CREBRF: variants seen among roughly 807,000 people sequenced by gnomAD.
CREBRF encodes the protein CREB3 regulatory factor, also known as UPF0474 protein C5orf41.
In CREBRF, 5 loss-of-function variants were observed where a neutral mutation model predicts 66.1. The ratio of observed to expected loss-of-function variants is 0.08; its 90% CI spans 0.04 to 0.16. The LOEUF (loss-of-function observed/expected upper bound fraction) is 0.16, where lower values mean the gene tolerates loss of function less well. CREBRF is among the 10% of genes least tolerant of loss of function. CREBRF has a pLI of 1.00. For synonymous variants in CREBRF, 229 were observed against 264.4 expected, an observed-to-expected ratio of 0.87 and a Z score of 1.30; for missense variants, 531 against 744.9, an observed-to-expected ratio of 0.71 and a Z score of 3.34.
At chr5:173,064,754 A>C (rs1757384711) in intron 1 of CREBRF, among the ~76,000 whole-genome samples, 1 of 151,662 alleles carries the variant, frequency 6.6e-6, no homozygotes, top group Non-Finnish European at 1.5e-5. Context: ...AGTAGAGTCG[A>C]GGTTTCTCCA....
rs772403141 is a variant in CREBRF at position 173,091,374 on chromosome 5, G to C, written c.1195G>C (p.Asp399His). 8 of 1,613,918 alleles carry C rather than the reference G, an allele frequency of 5.0e-6. No homozygotes were observed. The highest frequency in any genetic ancestry group is 4.2e-6 in the Non-Finnish European group (5 of 1,179,914). Reference sequence around the variant, plus strand: ...GGATTATGAAGATGACAAGGATGATGATATTAGTGATACTTTCTCTGAACC... The same window carrying C: ...GGATTATGAAGATGACAAGGATGATCATATTAGTGATACTTTCTCTGAACC... ...EEDYEDDKDD[D>H]ISDTFSEPGY... Residue 399 changes from aspartate (D) to histidine (H), a missense_variant, in exon 4 of 9, where the codon GAT becomes CAT. Asp to His is a moderately conservative substitution (Grantham distance 81, BLOSUM62 -1). Coordinates refer to ENST00000296953, the MANE Select transcript of CREBRF (RefSeq NM_153607.3).
At chr5:173,070,449 A>G (rs1460270829) in intron 1 of CREBRF, among the ~76,000 whole-genome samples, 1 of 152,152 alleles carries the variant, frequency 6.6e-6, no homozygotes, top group Admixed American at 6.5e-5. Flanking sequence ...CCTGCATAAA[A>G]TATTTTGTTT....
intron 1 of CREBRF, among the ~76,000 whole-genome samples, chr5:173,077,956 C>G (rs1757817175): frequency 1.3e-5 from 2 of 152,008 alleles, no homozygotes. Context: ...TTTGTTGATC[C>G]ATTCATCTGT....
chr5:173,082,927 A>C, intron 2 of CREBRF, among the ~76,000 whole-genome samples: 1 of 140,710 alleles, frequency 7.1e-6, no homozygotes, highest in African/African-American at 2.9e-5. Flanking sequence ...AAAAAAAAAA[A>C]AAAAAAAAAA....
intron 3 of CREBRF, 46 bp downstream of exon 3, chr5:173,086,672 A>G: frequency 6.5e-7 from 1 of 1,544,612 alleles, no homozygotes; most frequent in Non-Finnish European, 8.7e-7. Flanking sequence ...TTTGGGGTAA[A>G]AGTTTGTGGG....
chr5:173,118,009 G>A (rs1053966000), intron 7 of CREBRF, among the ~76,000 whole-genome samples: 2 of 152,060 alleles, frequency 1.3e-5, no homozygotes, highest in African/African-American at 4.8e-5. Flanking sequence ...AAGTAGCTGG[G>A]ACTACAGGAG....
intron 4 of CREBRF, among the ~76,000 whole-genome samples, chr5:173,092,732 T>C (rs1446743183): frequency 2.0e-5 from 3 of 152,220 alleles, no homozygotes; most frequent in African/African-American, 7.2e-5. Context: ...GAAACATTAT[T>C]CTTACTAAAA....
chr5:173,108,758 T>C lies in CREBRF; in HGVS notation c.1357T>C (p.Ser453Pro), dbSNP rs780571169. ...ACAGCAAGAGAGGATGCTGAGACCATCTGAGTGGAACCGAGATACTTTGCC... is the reference window on the plus strand; with the variant it reads ...ACAGCAAGAGAGGATGCTGAGACCACCTGAGTGGAACCGAGATACTTTGCC... ...PSQQERMLRP[S>P]EWNRDTLPSN... Residue 453 changes from serine (S) to proline (P), a missense_variant, in exon 5 of 9, where the codon TCT becomes CCT. Physicochemically the swap from Ser to Pro is moderately conservative, Grantham distance 74 (BLOSUM62 -1). Transcript: ENST00000296953. The C allele has an allele frequency of 2.5e-6, 4 of 1,614,082 alleles. No individual in the cohort carries two copies. In the East Asian group the frequency reaches 8.9e-5, roughly 36 times the overall value.
At chr5:173,104,763 G>C (rs998967386) in intron 4 of CREBRF, among the ~76,000 whole-genome samples, 3 of 151,800 alleles carry the variant, frequency 2.0e-5, no homozygotes, top group African/African-American at 7.3e-5. Context: ...GTGTATTTTT[G>C]TGATGGTGAA....
At chr5:173,071,270 G>A (rs1036104103) in intron 1 of CREBRF, among the ~76,000 whole-genome samples, 4 of 152,212 alleles carry the variant, frequency 2.6e-5, no homozygotes, top group African/African-American at 4.8e-5. Context: ...GGAGTGCAGC[G>A]CCATGATCTC....
chr5:173,110,441 T>C (rs1758845346), intron 5 of CREBRF, 81 bp from the exon 6 acceptor site: 2 of 936,976 alleles, frequency 2.1e-6, no homozygotes. Context: ...TGGTGGGAAG[T>C]GGTTAAAAAT....
chr5:173,058,504 G>A (rs1395180070), intron 1 of CREBRF, among the ~76,000 whole-genome samples: 3 of 150,508 alleles, frequency 2.0e-5, no homozygotes, highest in Admixed American at 6.6e-5. Context: ...TTTAATTTGA[G>A]ACGGAGTCTC....
chr5:173,097,253 T>G (rs1758501026), intron 4 of CREBRF, among the ~76,000 whole-genome samples: 1 of 120,350 alleles, frequency 8.3e-6, no homozygotes, highest in Non-Finnish European at 2.0e-5. Context: ...TCATTGAGAG[T>G]TTTTGTTTGT....
intron 4 of CREBRF, among the ~76,000 whole-genome samples, chr5:173,101,281 T>C (rs1044372243): frequency 2.6e-5 from 4 of 152,124 alleles, no homozygotes; most frequent in African/African-American, 9.7e-5. Context: ...GGTCTTATAC[T>C]CCTGGGCTGA....
intron 2 of CREBRF, among the ~76,000 whole-genome samples, chr5:173,081,221 T>A (rs1239752690): frequency 6.6e-6 from 1 of 152,160 alleles, no homozygotes; most frequent in South Asian, 2.1e-4. Context: ...TCTCTCTCTT[T>A]CTCATAGACA....
chr5:173,107,890 G>A (rs768463109), intron 4 of CREBRF, among the ~76,000 whole-genome samples: 48 of 149,586 alleles, frequency 3.2e-4, no homozygotes, highest in East Asian at 1.4e-3. Flanking sequence ...GGAGTGCTGC[G>A]GCACAATCTC....
intron 1 of CREBRF, among the ~76,000 whole-genome samples, chr5:173,078,843 G>T (rs1757848422): frequency 6.6e-6 from 1 of 152,092 alleles, no homozygotes; most frequent in African/African-American, 2.4e-5. Context: ...TGCTAGTAAG[G>T]TTAATTTTTC....
At chr5:173,062,002 A>G (rs1427466492) in intron 1 of CREBRF, among the ~76,000 whole-genome samples, 1 of 152,310 alleles carries the variant, frequency 6.6e-6, no homozygotes, top group East Asian at 1.9e-4. Context: ...GTGGCCTGCA[A>G]TCTTGTTTCT....
At position 173,137,272 on chromosome 5, in the gene CREBRF, G is replaced by A. The variant is rs1274119284; in HGVS notation, c.*3527G>A. On this transcript the variant is annotated 3_prime_UTR_variant, in exon 9 of 9. Coordinates refer to ENST00000296953, the MANE Select transcript of CREBRF (RefSeq NM_153607.3). ...TACATCTTTAACTTTGACCTTTTTG[G>A]TAAGAGAATCAGAACTATTACAAAA... 6.6e-6 allele frequency: 1 copy of A among 151,876 alleles called. No homozygotes were observed. The highest frequency in any genetic ancestry group is 2.4e-5 in the African/African-American group (1 of 41,376). 9.4% of individuals were successfully genotyped at this position (151,876 alleles called of 1,614,324 possible).
Sources: gnomAD v4.1 joint callset for allele counts (sites outside exome capture counted in the v4.1 genomes callset) on GRCh38, gnomAD v4.1.1 for gene constraint, MANE v1.5 for transcripts, NCBI Gene and HGNC (gene_info 2026-07-23, HGNC 2026-07-21) for gene names.